The following RPF2 variants were observed in gnomAD, a reference collection of about 807,000 sequenced individuals.
RPF2 encodes ribosome production factor 2 homolog.
A neutral mutation model predicts 38.9 loss-of-function variants in RPF2; 21 were observed. The ratio of observed to expected loss-of-function variants is 0.54; its 90% CI spans 0.38 to 0.78. The LOEUF (loss-of-function observed/expected upper bound fraction) is 0.78, where lower values mean the gene tolerates loss of function less well. Ranked by LOEUF, RPF2 falls within the 30% of genes least tolerant of loss-of-function variation. RPF2 has a pLI of 0.00. For missense variants in RPF2, 314 were observed against 358.1 expected, an observed-to-expected ratio of 0.88 and a Z score of 0.99; for synonymous variants, 121 against 126.2, an observed-to-expected ratio of 0.96 and a Z score of 0.28.
At chr6:110,991,705 T>G in intron 3 of RPF2, 42 bp from the exon 4 acceptor site, 2 of 721,126 alleles carry the variant, frequency 2.8e-6, no homozygotes, top group South Asian at 3.9e-5. Context: ...TTGTATATAC[T>G]TATTTAGATT....
At chr6:110,996,514 A>G (rs1771713809) in intron 4 of RPF2, among the ~76,000 whole-genome samples, 1 of 152,156 alleles carries the variant, frequency 6.6e-6, no homozygotes, top group Non-Finnish European at 1.5e-5. Context: ...GTATGCAATG[A>G]TAGTAGTGAT....
intron 7 of RPF2, among the ~76,000 whole-genome samples, chr6:111,008,727 A>T (rs1359302316): frequency 2.0e-5 from 3 of 151,864 alleles, no homozygotes; most frequent in African/African-American, 7.3e-5. Flanking sequence ...GGCCTTCTTG[A>T]TCTCCTATTG....
intron 2 of RPF2, among the ~76,000 whole-genome samples, chr6:110,987,188 C>T (rs1354696887): frequency 6.6e-6 from 1 of 151,984 alleles, no homozygotes; most frequent in Non-Finnish European, 1.5e-5. Context: ...CTGCCTCTAG[C>T]CTCCCAAGTA....
chr6:110,999,796 C>T lies in RPF2; in HGVS notation c.393+9C>T. On this transcript the variant is annotated intron_variant, in intron 6 of 9. Transcript: ENST00000441448. ...CTCTAAAAGACATTAAGGTAAGATA[C>T]TCATAGAAATGAAAAGTATTTTGTA... 6.9e-7 allele frequency: 1 copy of T among 1,447,902 alleles called. No individual in the cohort carries two copies. The highest frequency in any genetic ancestry group is 9.7e-7 in the Non-Finnish European group (1 of 1,029,340). 89.7% of individuals were successfully genotyped at this position (1,447,902 alleles called of 1,614,324 possible). A position where few individuals can be genotyped will look rare whatever the true frequency, so the allele number is the denominator to read the frequency against.
At chr6:110,995,273 A>G (rs1487444902) in intron 4 of RPF2, among the ~76,000 whole-genome samples, 4 of 152,204 alleles carry the variant, frequency 2.6e-5, no homozygotes, top group Admixed American at 2.0e-4. Flanking sequence ...GTGTGTTCAC[A>G]TATGACATCG....
chr6:110,991,720 A>C lies in RPF2; in HGVS notation c.195-27A>C, dbSNP rs749390307. The C allele has an allele frequency of 3.2e-6, 3 of 937,450 alleles. No individual in the cohort carries two copies. The South Asian group carries it at 5.2e-5, about 16-fold the overall frequency. The allele number at this position is 937,450 out of a possible 1,614,324, so 58.1% of individuals were successfully genotyped here. ...TTGTATATACTTATTTAGATTATTA[A>C]AATTGTCACTTTTTTGATATTCTTA... On this transcript the variant is annotated intron_variant, in intron 3 of 9. Coordinates refer to ENST00000441448, the MANE Select transcript of RPF2 (RefSeq NM_032194.3).
At chr6:110,989,173 A>T in intron 3 of RPF2, 108 bp downstream of exon 3, 1 of 1,121,710 alleles carries the variant, frequency 8.9e-7, no homozygotes, top group Non-Finnish European at 1.2e-6. Context: ...AGATATTAAA[A>T]TTCCTTACAG....
At chr6:111,022,203 TGAG>T (rs1223560850) in intron 8 of RPF2, among the ~76,000 whole-genome samples, 12 of 152,268 alleles carry the variant, frequency 7.9e-5, no homozygotes, top group Middle Eastern at 3.4e-3. Context: ...ACATTCTAAT[TGAG>T]GAGTTTACTT....
intron 7 of RPF2, among the ~76,000 whole-genome samples, chr6:111,009,010 C>G (rs939780939): frequency 2.0e-5 from 3 of 151,392 alleles, no homozygotes; most frequent in African/African-American, 7.3e-5. Flanking sequence ...AGCGATTCTC[C>G]TGCCTAAGCC....
At chr6:111,000,184 C>T (rs2114314813) in intron 6 of RPF2, among the ~76,000 whole-genome samples, 1 of 152,202 alleles carries the variant, frequency 6.6e-6, no homozygotes, top group South Asian at 2.1e-4. Flanking sequence ...TGGCTTACTT[C>T]AGCCTTGACC....
chr6:111,024,943 G>A (rs551047864), intron 9 of RPF2, among the ~76,000 whole-genome samples: 196 of 152,344 alleles, frequency 1.3e-3, no homozygotes, highest in African/African-American at 4.5e-3. Context: ...AGGATTTAGA[G>A]TACAGGGTAT....
intron 6 of RPF2, 108 bp downstream of exon 6, chr6:110,999,895 G>A (rs999202901): frequency 1.6e-6 from 1 of 616,834 alleles, no homozygotes; most frequent in Non-Finnish European, 2.9e-6. Context: ...AGAACTTTGT[G>A]TTTTTATTTT....
At chr6:110,989,667 C>T (rs1391764267) in intron 3 of RPF2, among the ~76,000 whole-genome samples, 2 of 146,094 alleles carry the variant, frequency 1.4e-5, no homozygotes, top group African/African-American at 2.5e-5. Context: ...AGCTTTGTTG[C>T]CAGGCTGGAG....
chr6:111,007,006 A>C (rs1038396760), intron 6 of RPF2, among the ~76,000 whole-genome samples: 2 of 151,766 alleles, frequency 1.3e-5, no homozygotes, highest in Admixed American at 6.6e-5. Flanking sequence ...GCGCCATTGC[A>C]CTCCAGCCTG....
chr6:111,003,072 ATTTTTTACCCCCCCCCCTTTTTTT>A (rs1044760715), intron 6 of RPF2, among the ~76,000 whole-genome samples: 5 of 134,342 alleles, frequency 3.7e-5, no homozygotes, highest in African/African-American at 1.5e-4. Context: ...CTAGTCTTTC[ATTTTTTACCCCCCCCCCTTTTTTT>A]TTCTTTTTAA....
chr6:110,990,981 C>G (rs1421538921), intron 3 of RPF2, among the ~76,000 whole-genome samples: 1 of 152,236 alleles, frequency 6.6e-6, no homozygotes, highest in Admixed American at 6.5e-5. Context: ...TTGTCTTTTT[C>G]CTTACCACAG....
chr6:111,024,139 T>A lies in RPF2; in HGVS notation c.597-44T>A, dbSNP rs185842039. 7.6e-5 allele frequency: 116 copies of A among 1,535,984 alleles called. No individual in the cohort carries two copies. The African/African-American group carries it at 1.3e-3, about 17-fold the overall frequency. On this transcript the variant is annotated intron_variant, in intron 8 of 9. Coordinates refer to ENST00000441448, the MANE Select transcript of RPF2 (RefSeq NM_032194.3). ...AAAAAATATTTGGTGGAGAGGACTT[T>A]TATGAAAGTCAAAGCAACATTTCTT...
intron 6 of RPF2, among the ~76,000 whole-genome samples, chr6:111,007,748 C>A (rs1361443594): frequency 6.6e-6 from 1 of 151,930 alleles, no homozygotes; most frequent in Non-Finnish European, 1.5e-5. Flanking sequence ...AGTTTGAGAC[C>A]AGCCTAACCA....
At chr6:111,008,215 CT>C in intron 7 of RPF2, 78 bp downstream of exon 7, 1 of 1,436,666 alleles carries the variant, frequency 7.0e-7, no homozygotes, top group Non-Finnish European at 9.1e-7. Flanking sequence ...CACTTTGCTA[CT>C]TTAGGTTTGT....
Sources: allele counts gnomAD v4.1 joint callset (sites outside exome capture counted in the v4.1 genomes callset), GRCh38; gene constraint gnomAD v4.1.1; transcripts MANE v1.5; gene names NCBI Gene and HGNC (gene_info 2026-07-23, HGNC 2026-07-21).